NCOA2: variants seen among roughly 807,000 people sequenced by gnomAD.
NCOA2 encodes class E basic helix-loop-helix protein 75.
Under a neutral mutation model 145.1 loss-of-function variants are expected in NCOA2, and 21 were observed. The ratio of observed to expected loss-of-function variants is 0.14; its 90% CI spans 0.10 to 0.21. The LOEUF is 0.21. Ranked by LOEUF, NCOA2 falls within the 10% of genes least tolerant of loss-of-function variation. NCOA2 has a pLI of 1.00. For synonymous variants in NCOA2, 619 were observed against 637.5 expected, an observed-to-expected ratio of 0.97 and a Z score of 0.44; for missense variants, 1,472 against 1,837.6, an observed-to-expected ratio of 0.80 and a Z score of 3.64.
chr8:70,212,416 G>T (rs191674738), intron 4 of NCOA2, among the ~76,000 whole-genome samples: 1 of 152,294 alleles, frequency 6.6e-6, no homozygotes, highest in Admixed American at 6.5e-5. Flanking sequence ...GGACTGAAAT[G>T]GGCACTGGGA....
At chr8:70,153,031 G>GTT (rs901366655) in intron 11 of NCOA2, among the ~76,000 whole-genome samples, 2 of 152,128 alleles carry the variant, frequency 1.3e-5, no homozygotes, top group Non-Finnish European at 2.9e-5. Context: ...AAGAATCATT[G>GTT]TTTTTTTCTT....
At chr8:70,390,193 C>T (rs1813059962) in intron 1 of NCOA2, among the ~76,000 whole-genome samples, 2 of 152,108 alleles carry the variant, frequency 1.3e-5, no homozygotes, top group South Asian at 4.1e-4. Flanking sequence ...CATTTTCTAT[C>T]CTGGGGTTGG....
intron 2 of NCOA2, among the ~76,000 whole-genome samples, chr8:70,229,973 T>C (rs1820992560): frequency 6.6e-6 from 1 of 152,228 alleles, no homozygotes; most frequent in Admixed American, 6.5e-5. Context: ...GTAGAGTATA[T>C]TTAATTCATT....
intron 9 of NCOA2, among the ~76,000 whole-genome samples, chr8:70,161,783 G>A (rs755645146): frequency 2.0e-4 from 31 of 152,178 alleles, no homozygotes; most frequent in Admixed American, 1.4e-3. Flanking sequence ...GCAGCATGGC[G>A]CAGCTGACAG....
At chr8:70,303,257 T>G (rs1186004975) in intron 1 of NCOA2, among the ~76,000 whole-genome samples, 1 of 152,212 alleles carries the variant, frequency 6.6e-6, no homozygotes, top group African/African-American at 2.4e-5. Context: ...AGACTGGAAC[T>G]AAGTCTTGAG....
At chr8:70,134,139 C>T (rs551387404) in intron 15 of NCOA2, among the ~76,000 whole-genome samples, 54 of 152,314 alleles carry the variant, frequency 3.5e-4, no homozygotes, top group African/African-American at 1.3e-3. Flanking sequence ...TTCTCCACAG[C>T]CCACACTCTC....
chr8:70,244,802 TA>T (rs1440586358), intron 2 of NCOA2, among the ~76,000 whole-genome samples: 1 of 152,062 alleles, frequency 6.6e-6, no homozygotes, highest in African/African-American at 2.4e-5. Context: ...AGGAATATTT[TA>T]AAAACACTAC....
At chr8:70,424,261 C>T in the NCOA2 span, 10 of 384,546 alleles carry the variant, frequency 2.6e-5, no homozygotes, top group South Asian at 4.2e-5. Context: ...CAGGTCTTCA[C>T]GGAGCTTGTT....
chr8:70,186,480 A>AG (rs892275086), intron 4 of NCOA2, among the ~76,000 whole-genome samples: 18 of 152,280 alleles, frequency 1.2e-4, no homozygotes, highest in Admixed American at 3.3e-4. Context: ...AGGTGCTGCG[A>AG]GGGACAAAGC....
At chr8:70,412,397 T>A in the NCOA2 span, among the ~76,000 whole-genome samples, 3,977 of 148,942 alleles carry the variant, frequency 0.027, 166 homozygotes, top group African/African-American at 0.092. Context: ...ACAACATATT[T>A]TATATATATA....
At chr8:70,440,573 G>A in the NCOA2 span, among the ~76,000 whole-genome samples, 1 of 151,500 alleles carries the variant, frequency 6.6e-6, no homozygotes, top group East Asian at 1.9e-4. Flanking sequence ...ATAAGGGAGA[G>A]AGAGAGAGAG....
chr8:70,379,925 C>A (rs893070027), intron 1 of NCOA2, among the ~76,000 whole-genome samples: 1 of 152,042 alleles, frequency 6.6e-6, no homozygotes, highest in Non-Finnish European at 1.5e-5. Context: ...TGTTTTCTCA[C>A]ATTAAATTTC....
At chr8:70,247,547 A>G (rs1452945309) in intron 2 of NCOA2, among the ~76,000 whole-genome samples, 2 of 152,218 alleles carry the variant, frequency 1.3e-5, no homozygotes, top group South Asian at 2.1e-4. Flanking sequence ...AAGGCAACAT[A>G]TAAAATCAAT....
chr8:70,388,050 T>C (rs1003644041), intron 1 of NCOA2, among the ~76,000 whole-genome samples: 1 of 152,168 alleles, frequency 6.6e-6, no homozygotes, highest in South Asian at 2.1e-4. Context: ...GTGTCAATCA[T>C]ACCTTTTATG....
At chr8:70,213,764 T>C (rs1819300434) in intron 4 of NCOA2, 139 bp downstream of exon 4, 1 of 727,100 alleles carries the variant, frequency 1.4e-6, no homozygotes, top group Non-Finnish European at 2.2e-6. Context: ...ATACTTGCAT[T>C]CATCTTACAC....
At chr8:70,148,246 G>A in intron 12 of NCOA2, 27 bp downstream of exon 12, 1 of 1,600,530 alleles carries the variant, frequency 6.2e-7, no homozygotes, top group Non-Finnish European at 8.6e-7. Flanking sequence ...AAATTTCTTG[G>A]CATAACCAGC....
chr8:70,442,277 G>A, the NCOA2 span, among the ~76,000 whole-genome samples: 1 of 152,284 alleles, frequency 6.6e-6, no homozygotes, highest in South Asian at 2.1e-4. Flanking sequence ...GCTCACACAT[G>A]CATTTTAAGC....
intron 2 of NCOA2, among the ~76,000 whole-genome samples, chr8:70,227,851 C>A (rs1214667896): frequency 1.3e-5 from 2 of 151,738 alleles, no homozygotes; most frequent in African/African-American, 2.4e-5. Flanking sequence ...CCCATCTCTA[C>A]AAAAACACAA....
chr8:70,326,157 T>C (rs985793376), intron 1 of NCOA2, among the ~76,000 whole-genome samples: 1 of 152,192 alleles, frequency 6.6e-6, no homozygotes, highest in Non-Finnish European at 1.5e-5. Context: ...AATACTATTT[T>C]CAAAGTAGTC....
Sources: gnomAD v4.1 joint callset for allele counts (sites outside exome capture counted in the v4.1 genomes callset) on GRCh38, gnomAD v4.1.1 for gene constraint, MANE v1.5 for transcripts, NCBI Gene and HGNC (gene_info 2026-07-23, HGNC 2026-07-21) for gene names.